EFR3A: variants seen among roughly 807,000 people sequenced by gnomAD.
EFR3A encodes the protein protein EFR3 homolog A.
In EFR3A, 76 loss-of-function variants were observed where a neutral mutation model predicts 104.4. The observed-to-expected ratio is 0.73, with a 90% confidence interval of 0.60 to 0.88. EFR3A has a LOEUF of 0.88. Among genes scored for constraint, EFR3A ranks in the 40% least tolerant of loss-of-function variants. The pLI is 0.00. For synonymous variants in EFR3A, 330 were observed against 330.0 expected, an observed-to-expected ratio of 1.00 and a Z score of 0.00; for missense variants, 985 against 1,012.5, an observed-to-expected ratio of 0.97 and a Z score of 0.37.
rs750750106 is a variant in EFR3A at position 131,976,231 on chromosome 8, T to TA, written c.1274+95dup. 335 of 806,034 alleles carry TA rather than the reference T, an allele frequency of 4.2e-4. 2 individuals carry two copies. The South Asian group carries it at 4.7e-3, about 11-fold the overall frequency. 49.9% of individuals were successfully genotyped at this position (806,034 alleles called of 1,614,324 possible). On this transcript the variant is annotated intron_variant, in intron 11 of 22. Transcript: ENST00000254624. ...AAAATGTTAACGTTTTGTTTTTTTT[T>TA]AAAAATCATTAGTAATAGCATTCCT... is the stretch of plus-strand genomic sequence containing the variant.
intron 2 of EFR3A, among the ~76,000 whole-genome samples, chr8:131,942,133 GC>G (rs1392568009): frequency 6.6e-6 from 1 of 152,142 alleles, no homozygotes; most frequent in Admixed American, 6.6e-5. Flanking sequence ...CAGTGAAGGA[GC>G]TTTGAACACT....
chr8:131,914,729 T>G (rs1446181140), intron 1 of EFR3A, among the ~76,000 whole-genome samples: 1 of 152,106 alleles, frequency 6.6e-6, no homozygotes, highest in African/African-American at 2.4e-5. Flanking sequence ...TGTAGTACTA[T>G]TGTATTGTTG....
intron 1 of EFR3A, among the ~76,000 whole-genome samples, chr8:131,929,972 G>A (rs745764145): frequency 1.3e-5 from 2 of 151,958 alleles, no homozygotes; most frequent in Non-Finnish European, 2.9e-5. Flanking sequence ...TGTATCTGAG[G>A]GACACCCCAA....
chr8:131,979,576 A>G (rs893129065), intron 14 of EFR3A, among the ~76,000 whole-genome samples, 155 bp downstream of exon 14: 39 of 152,086 alleles, frequency 2.6e-4, no homozygotes, highest in African/African-American at 9.4e-4. Flanking sequence ...CTCAAGTGTA[A>G]CATTCCTGTC....
chr8:131,979,448 G>A (rs1820491501), intron 14 of EFR3A, 27 bp downstream of exon 14: 3 of 1,441,916 alleles, frequency 2.1e-6, no homozygotes, highest in African/African-American at 1.4e-5. Flanking sequence ...AAAAATAAAT[G>A]TGTAGTGTAA....
At position 131,939,489 on chromosome 8, in the gene EFR3A, A is replaced by G. The variant is rs147398869; in HGVS notation, c.11-1010A>G. Reference sequence around the variant, plus strand: ...AAACTAAAAGCAGTGTATAGTGTATAACATCAGAAATGTTAATGTAAGTGA... The same window carrying G: ...AAACTAAAAGCAGTGTATAGTGTATGACATCAGAAATGTTAATGTAAGTGA... On this transcript the variant is annotated intron_variant, in intron 1 of 22. Coordinates refer to ENST00000254624, the MANE Select transcript of EFR3A (RefSeq NM_015137.6). Among the ~76,000 whole-genome samples the G allele has an allele frequency of 7.1e-4, 108 of 152,316 alleles. 1 individual carries two copies. Among genetic ancestry groups the G allele is most frequent in the African/African-American group, 2.5e-3 (102 of 41,576 alleles).
At chr8:131,976,320 C>G (rs1034193817) in intron 11 of EFR3A, among the ~76,000 whole-genome samples, 179 bp downstream of exon 11, 4 of 151,976 alleles carry the variant, frequency 2.6e-5, no homozygotes, top group Admixed American at 2.6e-4. Flanking sequence ...CATTTTTAGG[C>G]CTTTAGAATC....
At position 131,978,876 on chromosome 8, in the gene EFR3A, T is replaced by A; in HGVS notation, c.1356T>A (p.Ile452=). 6.2e-7 allele frequency: 1 copy of A among 1,606,470 alleles called. No homozygotes were observed. The highest frequency in any genetic ancestry group is 8.5e-7 in the Non-Finnish European group (1 of 1,176,682). The change falls in exon 13 of 23, where the codon ATT becomes ATA. Residue 452 remains isoleucine, a synonymous_variant. Transcript: ENST00000254624. ...CCTCTGGATATAAAGCGAAGACGAT[T>A]GTTACTGCACTGCCAGGGTCTTTCC... ...MVTSGYKAKT[I]VTALPGSFLD...
In EFR3A at chr8:131,984,974, T is replaced by C; in HGVS notation, c.1783T>C (p.Cys595Arg). 6.2e-7 allele frequency: 1 copy of C among 1,613,570 alleles called. No homozygotes were observed. ...GGATAATTTGCCAATGTTCCATCGT[T>C]GTGGAATCATGGCACTGGTTGCAGC... ...NEDNLPMFHR[C>R]GIMALVAAYL... The change falls in exon 16 of 23, where the codon TGT (cysteine) becomes CGT (arginine). Residue 595 changes from cysteine (C) to arginine (R), a missense_variant. Coordinates refer to ENST00000254624, the MANE Select transcript of EFR3A (RefSeq NM_015137.6).
At chr8:131,964,345 CCTT>C (rs1336980732) in intron 8 of EFR3A, among the ~76,000 whole-genome samples, 2 of 152,226 alleles carry the variant, frequency 1.3e-5, no homozygotes, top group African/African-American at 4.8e-5. Flanking sequence ...CCCAAAATCT[CCTT>C]AAGCTGATAA....
intron 6 of EFR3A, among the ~76,000 whole-genome samples, chr8:131,954,653 A>T (rs1346899659): frequency 1.3e-5 from 2 of 149,386 alleles, no homozygotes; most frequent in Non-Finnish European, 3.0e-5. Context: ...ATTATAAATA[A>T]TATTTTAAAT....
chr8:131,970,624 T>G lies in EFR3A; in HGVS notation c.1140T>G (p.Asn380Lys). Residue 380 changes from asparagine (N) to lysine (K), a missense_variant, in exon 10 of 23, where the codon AAT becomes AAG. Physicochemically the swap from Asn to Lys is moderately conservative, Grantham distance 94. Transcript: ENST00000254624. Reference sequence around the variant, plus strand: ...ACAATGATGAGAAGATTGTGCAGAATGCTATCATCCAAACAATAGGTGAGT... The same window carrying G: ...ACAATGATGAGAAGATTGTGCAGAAGGCTATCATCCAAACAATAGGTGAGT... ...SKDNDEKIVQ[N>K]AIIQTIGFFG... The G allele has an allele frequency of 6.2e-7, 1 of 1,613,678 alleles. No homozygotes were observed. The highest frequency in any genetic ancestry group is 8.5e-7 in the Non-Finnish European group (1 of 1,179,722).
chr8:131,955,986 T>G, intron 7 of EFR3A, 81 bp downstream of exon 7: 1 of 1,500,100 alleles, frequency 6.7e-7, no homozygotes, highest in Non-Finnish European at 9.1e-7. Flanking sequence ...GGACAACTAC[T>G]TTTTTACTTG....
rs748793717 is a variant in EFR3A, at chr8:131,955,762, T to G, written c.639-6T>G. The G allele has an allele frequency of 6.2e-7, 1 of 1,603,700 alleles. No individual in the cohort carries two copies. The highest frequency in any genetic ancestry group is 8.5e-7 in the Non-Finnish European group (1 of 1,176,128). On this transcript the variant is annotated splice_polypyrimidine_tract_variant and splice_region_variant and intron_variant, in intron 6 of 22. Coordinates refer to ENST00000254624, the MANE Select transcript of EFR3A (RefSeq NM_015137.6). ...GTGTTTTTCTTTATTTCTCGTTCCT[T>G]TTTAGTCGCATAGGCCCTCCTTCTT...
chr8:131,989,810 A>C (rs1167371726), intron 18 of EFR3A, among the ~76,000 whole-genome samples: 1 of 152,242 alleles, frequency 6.6e-6, no homozygotes, highest in African/African-American at 2.4e-5. Context: ...AGTGATAACT[A>C]GATCTAGAGA....
intron 1 of EFR3A, among the ~76,000 whole-genome samples, chr8:131,914,966 TCC>T (rs921890975): frequency 3.3e-5 from 5 of 152,166 alleles, no homozygotes; most frequent in Non-Finnish European, 5.9e-5. Context: ...CTCCATCTGT[TCC>T]CACAAAAGAC....
At chr8:131,924,912 T>G (rs1254626275) in intron 1 of EFR3A, among the ~76,000 whole-genome samples, 3 of 152,156 alleles carry the variant, frequency 2.0e-5, no homozygotes, top group Non-Finnish European at 1.5e-5. Context: ...TTCAAGCATG[T>G]AAGTTCTTGT....
chr8:131,955,619 A>T, intron 6 of EFR3A, 149 bp from the exon 7 acceptor site: 1 of 782,914 alleles, frequency 1.3e-6, no homozygotes, highest in Non-Finnish European at 1.9e-6. Flanking sequence ...TGGTGGTGTT[A>T]AATTCATGAA....
At chr8:131,980,123 A>G (rs1045920738) in intron 14 of EFR3A, among the ~76,000 whole-genome samples, 2 of 152,094 alleles carry the variant, frequency 1.3e-5, no homozygotes, top group Non-Finnish European at 2.9e-5. Context: ...ATTGCCAGCT[A>G]AGGGAGCCTG....
Sources: allele counts gnomAD v4.1 joint callset (sites outside exome capture counted in the v4.1 genomes callset), GRCh38; gene constraint gnomAD v4.1.1; transcripts MANE v1.5; gene names NCBI Gene and HGNC (gene_info 2026-07-23, HGNC 2026-07-21).